ASIC2: variants seen among roughly 807,000 people sequenced by gnomAD.
The protein encoded by ASIC2 is acid-sensing ion channel 2.
A neutral mutation model predicts 57.3 loss-of-function variants in ASIC2; 25 were observed. The ratio of observed to expected loss-of-function variants is 0.44; its 90% CI spans 0.32 to 0.61. The LOEUF is 0.61. Ranked by LOEUF, ASIC2 falls within the 20% of genes least tolerant of loss-of-function variation. The pLI, the probability that ASIC2 is intolerant of heterozygous loss-of-function variation, is 0.06. For missense variants in ASIC2, 641 were observed against 738.1 expected (o/e 0.87, Z 1.52); for synonymous variants, 319 against 307.5 (o/e 1.04, Z -0.39).
intron 2 of ASIC2, among the ~76,000 whole-genome samples, chr17:33,105,071 C>T (rs759934908): frequency 6.6e-6 from 1 of 152,188 alleles, no homozygotes; most frequent in Non-Finnish European, 1.5e-5. Flanking sequence ...CATCTGTGAG[C>T]CAGACAGTCC....
intron 1 of ASIC2, among the ~76,000 whole-genome samples, chr17:33,228,439 C>T (rs1907964454): frequency 6.6e-6 from 1 of 152,232 alleles, no homozygotes; most frequent in Non-Finnish European, 1.5e-5. Context: ...TGCAGGTCCT[C>T]CCGAGGAGGC....
intron 1 of ASIC2, among the ~76,000 whole-genome samples, chr17:33,513,321 A>G (rs1040306803): frequency 2.6e-5 from 4 of 152,240 alleles, no homozygotes; most frequent in Admixed American, 2.6e-4. Flanking sequence ...AGCTTTTCAC[A>G]AGAAATAATA....
At chr17:33,121,152 G>C (rs2092300905) in intron 1 of ASIC2, among the ~76,000 whole-genome samples, 1 of 152,230 alleles carries the variant, frequency 6.6e-6, no homozygotes, top group Admixed American at 6.5e-5. Context: ...AGCCCTGCAG[G>C]AGCTAGGGAG....
chr17:33,292,906 T>G lies in ASIC2; in HGVS notation c.-791A>C. ...GGGCTGAGAGCTTCTCAGGGCGTCC[T>G]GCGGGAGGCTGTTCGCCGCCGGGGT... On this transcript the variant is annotated 5_prime_UTR_variant, in exon 1 of 10. Coordinates refer to ENST00000225823, the MANE Select transcript of ASIC2 (RefSeq NM_183377.2). 1.0e-6 allele frequency: 1 copy of G among 985,524 alleles called. No individual in the cohort carries two copies. The highest frequency in any genetic ancestry group is 1.2e-6 in the Non-Finnish European group (1 of 829,986). The allele number at this position is 985,524 out of a possible 1,614,324, so 61.0% of individuals were successfully genotyped here.
chr17:33,424,150 G>A (rs1172166633), intron 1 of ASIC2, among the ~76,000 whole-genome samples: 1 of 152,088 alleles, frequency 6.6e-6, no homozygotes, highest in Non-Finnish European at 1.5e-5. Context: ...TTCAGAGCAG[G>A]GCCCTGAGAG....
intron 1 of ASIC2, among the ~76,000 whole-genome samples, chr17:33,359,300 T>A (rs1908508071): frequency 6.6e-6 from 1 of 152,214 alleles, no homozygotes; most frequent in African/African-American, 2.4e-5. Context: ...GCAAGAGGTT[T>A]CTAGGTAGCA....
chr17:33,409,894 G>C (rs1479473308), intron 1 of ASIC2, among the ~76,000 whole-genome samples: 1 of 152,158 alleles, frequency 6.6e-6, no homozygotes, highest in Non-Finnish European at 1.5e-5. Flanking sequence ...CCCACCCCCA[G>C]TTTCCACTTG....
At chr17:33,631,252 G>T (rs1391893370) in intron 1 of ASIC2, among the ~76,000 whole-genome samples, 3 of 152,076 alleles carry the variant, frequency 2.0e-5, no homozygotes, top group Non-Finnish European at 1.5e-5. Flanking sequence ...CCTTTATGTG[G>T]CTGGTGTTTT....
chr17:33,317,883 ATGAGTGTGTGTG>A (rs1906718813), intron 1 of ASIC2, among the ~76,000 whole-genome samples: 1 of 113,558 alleles, frequency 8.8e-6, no homozygotes, highest in Non-Finnish European at 1.8e-5. Context: ...ACGTGTGGAG[ATGAGTGTGTGTG>A]TGTGTGTGTG....
At chr17:33,301,123 C>G (rs1182242806) in intron 1 of ASIC2, among the ~76,000 whole-genome samples, 1 of 151,920 alleles carries the variant, frequency 6.6e-6, no homozygotes, top group Non-Finnish European at 1.5e-5. Flanking sequence ...TCCGCCTCCT[C>G]AGTTCAGGAG....
intron 1 of ASIC2, among the ~76,000 whole-genome samples, chr17:33,356,169 G>T (rs1877587348): frequency 6.6e-6 from 1 of 152,208 alleles, no homozygotes; most frequent in Admixed American, 6.5e-5. Context: ...GGGTAGCAGT[G>T]AGTGATGAGG....
intron 1 of ASIC2, among the ~76,000 whole-genome samples, chr17:33,432,110 C>A (rs76013274): frequency 3.9e-5 from 6 of 152,152 alleles, no homozygotes; most frequent in Non-Finnish European, 8.8e-5. Context: ...GGTTGAGCTG[C>A]GTGGGTCCAG....
chr17:34,039,132 C>A (rs992228690), intron 1 of ASIC2: 2 of 1,614,026 alleles, frequency 1.2e-6, no homozygotes, highest in Non-Finnish European at 1.7e-6. Flanking sequence ...CATCAATCTG[C>A]CGTCTCAAAT....
At chr17:33,681,193 A>G (rs1241681715) in intron 1 of ASIC2, among the ~76,000 whole-genome samples, 2 of 152,216 alleles carry the variant, frequency 1.3e-5, no homozygotes, top group Non-Finnish European at 2.9e-5. Flanking sequence ...TCCCTGGCCC[A>G]GGGGAGCATC....
intron 1 of ASIC2, among the ~76,000 whole-genome samples, chr17:33,769,107 C>T (rs763311381): frequency 2.6e-5 from 4 of 152,240 alleles, no homozygotes; most frequent in Non-Finnish European, 5.9e-5. Flanking sequence ...CCCAGAAAGG[C>T]TGTCACACTG....
chr17:33,912,550 C>A (rs190734050), intron 1 of ASIC2, among the ~76,000 whole-genome samples: 1 of 152,044 alleles, frequency 6.6e-6, no homozygotes, highest in Admixed American at 6.6e-5. Context: ...ATTCTGAGCA[C>A]CCCCTACCAT....
chr17:33,282,751 G>A (rs1282602381), intron 1 of ASIC2, among the ~76,000 whole-genome samples: 1 of 152,086 alleles, frequency 6.6e-6, no homozygotes, highest in Non-Finnish European at 1.5e-5. Flanking sequence ...TGGGATTACA[G>A]GCGTGAACCA....
intron 1 of ASIC2, among the ~76,000 whole-genome samples, chr17:33,307,084 TG>T (rs1174364014): frequency 6.6e-6 from 1 of 152,192 alleles, no homozygotes; most frequent in African/African-American, 2.4e-5. Flanking sequence ...AAGACTCTCA[TG>T]GGACTTCCTA....
At chr17:33,868,358 A>C (rs747589771) in intron 1 of ASIC2, among the ~76,000 whole-genome samples, 1 of 152,182 alleles carries the variant, frequency 6.6e-6, no homozygotes, top group East Asian at 1.9e-4. Flanking sequence ...ATGAAACTTT[A>C]TTTACAAAAA....
Sources: gnomAD v4.1 joint callset for allele counts (sites outside exome capture counted in the v4.1 genomes callset) on GRCh38, gnomAD v4.1.1 for gene constraint, MANE v1.5 for transcripts, NCBI Gene and HGNC (gene_info 2026-07-23, HGNC 2026-07-21) for gene names.